Variants in AKAP19 observed in about 807,000 individuals in gnomAD.
AKAP19 encodes A-kinase anchoring protein 19.
At chr2:190,123,001 A>G in the AKAP19 span, among the ~76,000 whole-genome samples, 1 of 151,900 alleles carries the variant, frequency 6.6e-6, no homozygotes, top group Admixed American at 6.6e-5. Context: ...TTGTAGAGAC[A>G]AGATCTCGCT....
the AKAP19 span, among the ~76,000 whole-genome samples, chr2:190,127,281 G>A: frequency 4.6e-5 from 7 of 151,664 alleles, no homozygotes; most frequent in African/African-American, 1.7e-4. Flanking sequence ...CAGAATGAAT[G>A]CTCATATATC....
chr2:190,051,288 C>T, the AKAP19 span, among the ~76,000 whole-genome samples: 1 of 151,982 alleles, frequency 6.6e-6, no homozygotes, highest in Non-Finnish European at 1.5e-5. Flanking sequence ...TAATTTATTC[C>T]TTATTAAGCT....
the AKAP19 span, among the ~76,000 whole-genome samples, chr2:189,922,149 GA>G: frequency 6.6e-6 from 1 of 152,226 alleles, no homozygotes; most frequent in South Asian, 2.1e-4. Flanking sequence ...CCAATAATAA[GA>G]GAAACCTTAA....
chr2:190,112,686 A>T, the AKAP19 span, among the ~76,000 whole-genome samples: 2 of 152,086 alleles, frequency 1.3e-5, no homozygotes, highest in South Asian at 4.1e-4. Context: ...GGCCTTTCTG[A>T]TTTTAACCAT....
chr2:189,899,248 G>GTAAATGTT, the AKAP19 span, among the ~76,000 whole-genome samples: 1 of 152,104 alleles, frequency 6.6e-6, no homozygotes, highest in Admixed American at 6.6e-5. Flanking sequence ...TTATAAGCTA[G>GTAAATGTT]TTATTGTTCT....
At chr2:189,985,359 C>T in the AKAP19 span, among the ~76,000 whole-genome samples, 23 of 152,236 alleles carry the variant, frequency 1.5e-4, no homozygotes, top group South Asian at 1.5e-3. Flanking sequence ...TTTCAACTTA[C>T]GATATTTTCA....
the AKAP19 span, among the ~76,000 whole-genome samples, chr2:190,164,876 C>CT: frequency 1.6e-4 from 25 of 152,296 alleles, no homozygotes; most frequent in Non-Finnish European, 2.8e-4. Flanking sequence ...TTGGGAGCTA[C>CT]TGTAAATACA....
chr2:189,939,574 G>A, the AKAP19 span, among the ~76,000 whole-genome samples: 1 of 152,106 alleles, frequency 6.6e-6, no homozygotes, highest in Non-Finnish European at 1.5e-5. Flanking sequence ...ATAAGGCAAG[G>A]AACCAGTGAC....
chr2:190,184,347 T>C, the AKAP19 span, among the ~76,000 whole-genome samples: 1 of 152,210 alleles, frequency 6.6e-6, no homozygotes, highest in Non-Finnish European at 1.5e-5. Flanking sequence ...TGCAAGTTTG[T>C]AGTCTTTGCA....
the AKAP19 span, among the ~76,000 whole-genome samples, chr2:189,944,691 C>G: frequency 2.6e-5 from 4 of 152,090 alleles, no homozygotes; most frequent in African/African-American, 9.7e-5. Context: ...AACAGATCAT[C>G]CAGATAGAAA....
At chr2:189,996,404 G>T in the AKAP19 span, among the ~76,000 whole-genome samples, 1 of 152,112 alleles carries the variant, frequency 6.6e-6, no homozygotes, top group Non-Finnish European at 1.5e-5. Context: ...CTACAGTGCA[G>T]TTTGTATTTC....
chr2:189,885,985 T>C, the AKAP19 span, among the ~76,000 whole-genome samples: 1 of 152,006 alleles, frequency 6.6e-6, no homozygotes, highest in Non-Finnish European at 1.5e-5. Flanking sequence ...ATTTTCGTAT[T>C]TTTAGTAGAG....
the AKAP19 span, among the ~76,000 whole-genome samples, chr2:189,950,248 G>A: frequency 4.0e-5 from 6 of 149,624 alleles, no homozygotes; most frequent in African/African-American, 1.5e-4. Flanking sequence ...GGCTGGTCTC[G>A]AACTCCTAAC....
chr2:190,159,170 T>C, the AKAP19 span, among the ~76,000 whole-genome samples: 30 of 152,166 alleles, frequency 2.0e-4, no homozygotes, highest in African/African-American at 7.0e-4. Flanking sequence ...TAGTAGCGAC[T>C]GGCCTCCACC....
the AKAP19 span, among the ~76,000 whole-genome samples, chr2:190,005,466 C>A: frequency 6.6e-6 from 1 of 152,248 alleles, no homozygotes; most frequent in Non-Finnish European, 1.5e-5. Context: ...CAAGTCCCCA[C>A]TGGACCCAGG....
At chr2:189,967,185 G>A in the AKAP19 span, among the ~76,000 whole-genome samples, 3 of 152,148 alleles carry the variant, frequency 2.0e-5, no homozygotes, top group African/African-American at 7.2e-5. Flanking sequence ...GCAAGAATAT[G>A]CCTGTGACCT....
At chr2:190,121,876 TTTTG>T in the AKAP19 span, among the ~76,000 whole-genome samples, 14 of 152,304 alleles carry the variant, frequency 9.2e-5, no homozygotes, top group South Asian at 2.5e-3. Context: ...CCATGGGATT[TTTTG>T]TTTTTGTGTT....
chr2:190,086,400 T>G, the AKAP19 span, among the ~76,000 whole-genome samples: 4 of 152,336 alleles, frequency 2.6e-5, no homozygotes, highest in African/African-American at 9.6e-5. Flanking sequence ...TCCTAAATGT[T>G]AATTCTCACT....
chr2:190,138,351 C>G, the AKAP19 span, among the ~76,000 whole-genome samples: 1 of 152,258 alleles, frequency 6.6e-6, no homozygotes, highest in Non-Finnish European at 1.5e-5. Flanking sequence ...GAAGTCCCTC[C>G]AGGGAGAAGA....
Sources: allele counts gnomAD v4.1 joint callset (sites outside exome capture counted in the v4.1 genomes callset), GRCh38; gene constraint gnomAD v4.1.1; transcripts MANE v1.5; gene names NCBI Gene and HGNC (gene_info 2026-07-23, HGNC 2026-07-21).